The following CHD4 variants were observed in gnomAD, a reference collection of about 807,000 sequenced individuals.
The protein encoded by CHD4 is chromodomain helicase DNA binding protein 4.
Under a neutral mutation model 235.5 loss-of-function variants are expected in CHD4, and 35 were observed. That is an observed-to-expected ratio of 0.15 (90% CI 0.11 to 0.20). The LOEUF (loss-of-function observed/expected upper bound fraction) is 0.20, where lower values mean the gene tolerates loss of function less well. Among genes scored for constraint, CHD4 ranks in the 10% least tolerant of loss-of-function variants. CHD4 has a pLI of 1.00. For synonymous variants in CHD4, 900 were observed against 850.2 expected (o/e 1.06, Z -1.02); for missense variants, 1,329 against 2,432.3 (o/e 0.55, Z 9.54).
chr12:6,598,356 G>C lies in CHD4; in HGVS notation c.1552C>G (p.Pro518Ala). The change falls in exon 11 of 40, where the codon CCA becomes GCA. Residue 518 changes from proline to alanine, a missense_variant. By Grantham distance (27) the Pro-to-Ala change is conservative (BLOSUM62 -1). This residue lies in a region of CHD4 where 45 missense variants were observed against 47.5 expected (regional missense o/e 0.95). Coordinates refer to ENST00000544040, the MANE Select transcript of CHD4 (RefSeq NM_001273.5). ...TCAGCATCTGGAGGCCGAGGCACTG[G>C]TGTGGGAGATGGTGGCTGACCCCAC... ...WKWGQPPSPT[P>A]VPRPPDADPN... 6.2e-7 allele frequency: 1 copy of C among 1,614,040 alleles called. No homozygotes were observed. The highest frequency in any genetic ancestry group is 8.5e-7 in the Non-Finnish European group (1 of 1,179,966).
rs761797551 is a variant in CHD4, at chr12:6,583,407, G to C, written c.3880-29C>G. 6 of 1,573,370 alleles carry C rather than the reference G, an allele frequency of 3.8e-6. No homozygotes were observed. In the South Asian group the frequency reaches 7.1e-5, roughly 19 times the overall value. On this transcript the variant is annotated intron_variant, in intron 25 of 39. Transcript: ENST00000544040. ...GGACAGAGGGAGGGCCAGGACTCAG[G>C]AGTGCTGAAGTCAGCACCACCAGCT...
rs1365548815 is a variant in CHD4 at position 6,570,381 on chromosome 12, C to A, written c.*295G>T. ...CATTTTCTTCAAGCCTGGCAGGAAC[C>A]CACAACAGTTTGTGTGTAACAGGCG... On this transcript the variant is annotated 3_prime_UTR_variant, in exon 40 of 40. Transcript: ENST00000544040. The A allele has an allele frequency of 6.7e-6, 3 of 450,256 alleles. No individual in the cohort carries two copies. Among genetic ancestry groups the A allele is most frequent in the Non-Finnish European group, 1.2e-5 (3 of 253,116 alleles). The allele number at this position is 450,256 out of a possible 1,614,324, so 27.9% of individuals were successfully genotyped here.
chr12:6,590,376 A>T (rs1948373302), intron 22 of CHD4, among the ~76,000 whole-genome samples: 1 of 152,184 alleles, frequency 6.6e-6, no homozygotes, highest in African/African-American at 2.4e-5. Flanking sequence ...TACCAATGTT[A>T]ATTTTCTAGT....
At chr12:6,584,418 G>C (rs1338876613) in intron 25 of CHD4, 2 of 152,080 alleles carry the variant, frequency 1.3e-5, no homozygotes, top group Non-Finnish European at 2.9e-5. Flanking sequence ...ATATTTTTTT[G>C]AGAGAGGGTC....
intron 2 of CHD4, 58 bp from the exon 3 acceptor site, chr12:6,602,555 G>A: frequency 6.3e-7 from 1 of 1,591,118 alleles, no homozygotes; most frequent in Non-Finnish European, 8.5e-7. Flanking sequence ...AAAAGGTTAG[G>A]CCCTAATCCA....
Position 6,603,496 on chromosome 12 carries a change from C to A in CHD4, c.101-999G>T, listed in dbSNP as rs1294683263. Among the ~76,000 whole-genome samples, 5 of 151,310 alleles carry A rather than the reference C, an allele frequency of 3.3e-5. No individual in the cohort carries two copies. The East Asian group carries it at 9.7e-4, about 29-fold the overall frequency. On this transcript the variant is annotated intron_variant, in intron 2 of 39. Coordinates refer to ENST00000544040, the MANE Select transcript of CHD4 (RefSeq NM_001273.5). ...CCTGACCGCAGAAGCCAGCCCAGGG[C>A]ACCCAGCTGCCAACATAGGACAGAC...
intron 38 of CHD4, chr12:6,571,352 C>A: frequency 3.5e-6 from 1 of 287,234 alleles, no homozygotes; most frequent in Non-Finnish European, 6.5e-6. Context: ...TAACAGCATT[C>A]TTTTCCTTAT....
intron 12 of CHD4, 107 bp from the exon 13 acceptor site, chr12:6,596,244 C>A: frequency 7.2e-7 from 1 of 1,383,380 alleles, no homozygotes; most frequent in Non-Finnish European, 9.9e-7. Flanking sequence ...TCTAGGTATG[C>A]CACAGATCAC....
Position 6,583,270 on chromosome 12 carries a change from C to T in CHD4, c.3988G>A (p.Ala1330Thr). ...CTTTTTCCTTTGCCCAGATTTCGGG[C>T]TAGATCTTCTTGCTGCTGCTCATAA... is the stretch of plus-strand genomic sequence containing the variant. ...HHYEQQQEDL[A>T]RNLGKGKRIR... is the part of the protein sequence containing the mutation. The change falls in exon 26 of 40, where the codon GCC becomes ACC. Residue 1330 changes from alanine (A) to threonine (T), a missense_variant. Ala to Thr is a moderately conservative substitution (Grantham distance 58). This residue lies in a region of CHD4 where 8 missense variants were observed against 56.7 expected (regional missense o/e 0.14). Transcript: ENST00000544040. 1 of 1,614,174 alleles carries T rather than the reference C, an allele frequency of 6.2e-7. No individual in the cohort carries two copies. Among genetic ancestry groups the T allele is most frequent in the Non-Finnish European group, 8.5e-7 (1 of 1,180,022 alleles).
In CHD4 at chr12:6,580,714, A is replaced by AAAACAAACAAAC. The variant is rs1555163994; in HGVS notation, c.4909+329_4909+330insGTTTGTTTGTTT. ...GAGTAAAACTCCTTTGAAAAAAAAAAAAAAAAAAAAAAAGCCAGGCACAGT... is the reference window on the plus strand; with the variant it reads ...GAGTAAAACTCCTTTGAAAAAAAAAAAAACAAACAAACAAAAAAAAAAAAAGCCAGGCACAGT... On this transcript the variant is annotated intron_variant, in intron 33 of 39. Coordinates refer to ENST00000544040, the MANE Select transcript of CHD4 (RefSeq NM_001273.5). 3.4e-4 allele frequency: 78 copies of AAAACAAACAAAC among 229,266 alleles called. 1 individual carries two copies. Among genetic ancestry groups the AAAACAAACAAAC allele is most frequent in the Middle Eastern group, 1.4e-3 (1 of 698 alleles). 14.2% of individuals were successfully genotyped at this position (229,266 alleles called of 1,614,324 possible).
rs1948536848 is a variant in CHD4, at chr12:6,598,508, G to A, written c.1483-83C>T. ...GCCCACAGTCTCAACTTCATCAAAG[G>A]ACGATTCAGATCTCATTTCAGACCT... On this transcript the variant is annotated intron_variant, in intron 10 of 39. Coordinates refer to ENST00000544040, the MANE Select transcript of CHD4 (RefSeq NM_001273.5). 1.0e-5 allele frequency: 12 copies of A among 1,173,232 alleles called. No homozygotes were observed. The South Asian group carries it at 1.5e-4, about 14-fold the overall frequency. 72.7% of individuals were successfully genotyped at this position (1,173,232 alleles called of 1,614,324 possible).
chr12:6,596,303 T>C (rs1050320104), intron 12 of CHD4, among the ~76,000 whole-genome samples, 166 bp from the exon 13 acceptor site: 2 of 152,184 alleles, frequency 1.3e-5, no homozygotes, highest in African/African-American at 4.8e-5. Flanking sequence ...AAATTATCTC[T>C]AATTTATACT....
At chr12:6,604,122 A>G (rs1256643282) in intron 2 of CHD4, among the ~76,000 whole-genome samples, 3 of 152,068 alleles carry the variant, frequency 2.0e-5, no homozygotes, top group Non-Finnish European at 4.4e-5. Flanking sequence ...TAAAAAAACA[A>G]AAATTAGCCA....
At chr12:6,595,528 T>C in intron 13 of CHD4, 98 bp from the exon 14 acceptor site, 1 of 1,030,604 alleles carries the variant, frequency 9.7e-7, no homozygotes, top group East Asian at 2.5e-5. Flanking sequence ...TCCCAGCATT[T>C]TGGGAGGCCA....
In CHD4 at chr12:6,598,278, A is replaced by G. The variant is rs969702116; in HGVS notation, c.1630T>C (p.Phe544Leu). The G allele has an allele frequency of 1.1e-5, 17 of 1,613,900 alleles. No individual in the cohort carries two copies. Among genetic ancestry groups the G allele is most frequent in the Non-Finnish European group, 1.4e-5 (16 of 1,179,918 alleles). ...PLEGRPERQF[F>L]VKWQGMSYWH... The stretch of plus-strand genomic sequence containing the variant: ...TAAGACATGCCTTGCCATTTCACAA[A>G]GAACTGCCGCTCTGGCCGCCCCTCC... The change falls in exon 11 of 40, where the codon TTT becomes CTT. Residue 544 changes from phenylalanine (F) to leucine (L), a missense_variant. Phe to Leu is a conservative substitution (Grantham distance 22). This residue lies in a region of CHD4 where 45 missense variants were observed against 47.5 expected (regional missense o/e 0.95). Coordinates refer to ENST00000544040, the MANE Select transcript of CHD4 (RefSeq NM_001273.5).
chr12:6,585,770 G>A (rs1457272752), intron 25 of CHD4, among the ~76,000 whole-genome samples: 2 of 143,016 alleles, frequency 1.4e-5, no homozygotes, highest in African/African-American at 5.3e-5. Context: ...GCCTGGGCGG[G>A]AAAGCAAGAC....
rs186231319 is a variant in CHD4 at position 6,578,855 on chromosome 12, C to T, written c.4972G>A (p.Glu1658Lys). The T allele has an allele frequency of 1.2e-6, 2 of 1,614,214 alleles. No homozygotes were observed. The highest frequency in any genetic ancestry group is 1.7e-5 in the Admixed American group (1 of 60,024). Residue 1658 changes from glutamate to lysine, a missense_variant, in exon 34 of 40, where the codon GAA (glutamate) becomes AAA (lysine). Glu to Lys is a moderately conservative substitution (Grantham distance 56, BLOSUM62 1). Transcript: ENST00000544040. The part of the protein sequence containing the change: ...SAIDLTPIVV[E>K]DKEEKKEEEE... The stretch of plus-strand genomic sequence containing the variant: ...TTCTCCAAACACCCACCTTTGTCTT[C>T]TACCACAATAGGGGTCAGATCTATT...
At position 6,570,706 on chromosome 12, in the gene CHD4, ACCCGAGGAGT is replaced by A; in HGVS notation, c.5722-23_5722-14del. 6.2e-7 allele frequency: 1 copy of A among 1,614,058 alleles called. No homozygotes were observed. Among genetic ancestry groups the A allele is most frequent in the Non-Finnish European group, 8.5e-7 (1 of 1,179,994 alleles). On this transcript the variant is annotated splice_polypyrimidine_tract_variant and intron_variant, in intron 39 of 39. Transcript: ENST00000544040. ...GCTGCTGGGCTACCTAGAGAAGGAGACCCGAGGAGTCAGAATTCCAGATGATAGGAATCCA... is the reference window on the plus strand; with the variant it reads ...GCTGCTGGGCTACCTAGAGAAGGAGACAGAATTCCAGATGATAGGAATCCA...
chr12:6,599,242 G>A (rs1948548555), intron 10 of CHD4, among the ~76,000 whole-genome samples: 1 of 152,060 alleles, frequency 6.6e-6, no homozygotes, highest in Non-Finnish European at 1.5e-5. Flanking sequence ...GACCAGCCTG[G>A]GCAACATAGT....
Sources: gnomAD v4.1 joint callset for allele counts (sites outside exome capture counted in the v4.1 genomes callset) on GRCh38, gnomAD v4.1.1 for gene constraint, gnomAD v4.1.1 regional missense constraint, MANE v1.5 for transcripts, NCBI Gene and HGNC (gene_info 2026-07-23, HGNC 2026-07-21) for gene names.